Variants in RANBP2 observed in about 807,000 individuals in gnomAD.
RANBP2 encodes RAN binding protein 2, also known as E3 SUMO-protein ligase RanBP2.
In RANBP2, 57 loss-of-function variants were observed where a neutral mutation model predicts 303.6. The observed-to-expected ratio is 0.19, with a 90% confidence interval of 0.15 to 0.23. RANBP2 has a LOEUF of 0.23. Among genes scored for constraint, RANBP2 ranks in the 10% least tolerant of loss-of-function variants. RANBP2 has a pLI of 1.00. For missense variants in RANBP2, 3,138 were observed against 3,780.8 expected, an observed-to-expected ratio of 0.83 and a Z score of 4.46; for synonymous variants, 1,167 against 1,301.5, an observed-to-expected ratio of 0.90 and a Z score of 2.23.
chr2:109,055,547 C>CTT, the RANBP2 span, among the ~76,000 whole-genome samples: 5 of 151,376 alleles, frequency 3.3e-5, no homozygotes, highest in South Asian at 2.1e-4. Context: ...CTTTTCTTTT[C>CTT]TTTTCTTTTT....
At chr2:109,198,299 AT>A in the RANBP2 span, among the ~76,000 whole-genome samples, 1 of 152,182 alleles carries the variant, frequency 6.6e-6, no homozygotes, top group East Asian at 1.9e-4. Flanking sequence ...AATGACAGGA[AT>A]TTATGACCCT....
At position 108,776,043 on chromosome 2, in the gene RANBP2, G is replaced by C. The variant is rs192542409; in HGVS notation, c.8497+107G>C. 273 of 957,392 alleles carry C rather than the reference G, an allele frequency of 2.9e-4. 2 individuals are homozygous for C. In the African/African-American group the frequency reaches 4.2e-3, roughly 15 times the overall value. The allele number at this position is 957,392 out of a possible 1,614,324, so 59.3% of individuals were successfully genotyped here. Reference sequence around the variant, plus strand: ...GAAAACTCCCTTTAAAACACATTTTGATATGTATAAAGGGGCATCTTAGTA... The same window carrying C: ...GAAAACTCCCTTTAAAACACATTTTCATATGTATAAAGGGGCATCTTAGTA... On this transcript the variant is annotated intron_variant, in intron 24 of 28. Transcript: ENST00000283195.
the RANBP2 span, among the ~76,000 whole-genome samples, chr2:108,963,382 A>G: frequency 3.3e-5 from 5 of 152,228 alleles, no homozygotes; most frequent in Admixed American, 3.3e-4. Context: ...GACGTTCTAA[A>G]ATTCAAGAAG....
chr2:109,582,184 A>C, the RANBP2 span, among the ~76,000 whole-genome samples: 1 of 152,152 alleles, frequency 6.6e-6, no homozygotes, highest in East Asian at 1.9e-4. Context: ...GAGAACTACA[A>C]AACACTGCTG....
the RANBP2 span, among the ~76,000 whole-genome samples, chr2:109,191,882 C>T: frequency 6.6e-6 from 1 of 152,040 alleles, no homozygotes; most frequent in East Asian, 1.9e-4. Flanking sequence ...TTTTTGAAAC[C>T]TTTACTATTA....
At chr2:108,763,133 C>G in intron 19 of RANBP2, 104 bp from the exon 20 acceptor site, 2 of 1,284,766 alleles carry the variant, frequency 1.6e-6, no homozygotes, top group African/African-American at 2.9e-5. Context: ...ATGAGATCTT[C>G]TTCACTTCAT....
the RANBP2 span, among the ~76,000 whole-genome samples, chr2:108,957,203 C>A: frequency 2.0e-5 from 3 of 152,228 alleles, no homozygotes; most frequent in East Asian, 5.8e-4. Context: ...CCAGTTCCAG[C>A]CCTCACACTG....
chr2:109,365,369 G>A, the RANBP2 span, among the ~76,000 whole-genome samples: 504 of 152,292 alleles, frequency 3.3e-3, 3 homozygotes, highest in African/African-American at 0.011. Context: ...CCTCCTAGCC[G>A]AGCACTGCTT....
At chr2:109,420,332 A>G in the RANBP2 span, among the ~76,000 whole-genome samples, 7,230 of 152,288 alleles carry the variant, frequency 0.047, 484 homozygotes, top group African/African-American at 0.15. Context: ...TTGGCAAACA[A>G]GATGACATAA....
chr2:109,482,032 T>C, the RANBP2 span, among the ~76,000 whole-genome samples: 1,624 of 152,320 alleles, frequency 0.011, 33 homozygotes, highest in African/African-American at 0.037. Flanking sequence ...GTACTGGGGT[T>C]ATGTGCATTG....
chr2:108,862,754 A>G, the RANBP2 span, among the ~76,000 whole-genome samples: 2 of 152,314 alleles, frequency 1.3e-5, no homozygotes, highest in South Asian at 2.1e-4. Flanking sequence ...ACTATTTTGT[A>G]TCTTTTTTCC....
At chr2:108,749,166 T>C (rs1675647264) in intron 9 of RANBP2, 37 bp downstream of exon 9, 2 of 1,611,724 alleles carry the variant, frequency 1.2e-6, no homozygotes, top group East Asian at 2.2e-5. Context: ...GTCTCCGTCT[T>C]AATTCTTATA....
At chr2:108,906,367 A>G in the RANBP2 span, 10 of 1,614,012 alleles carry the variant, frequency 6.2e-6, no homozygotes, top group Admixed American at 3.3e-5. Flanking sequence ...CCGGCTTTGA[A>G]TCTGTGAAAA....
the RANBP2 span, among the ~76,000 whole-genome samples, chr2:109,287,349 T>C: frequency 6.6e-6 from 1 of 152,132 alleles, no homozygotes; most frequent in South Asian, 2.1e-4. Context: ...CATAAGAAAG[T>C]ACATCTTGAC....
chr2:109,594,439 A>G, the RANBP2 span, among the ~76,000 whole-genome samples: 5 of 151,870 alleles, frequency 3.3e-5, no homozygotes, highest in African/African-American at 7.3e-5. Flanking sequence ...GTTTATATAA[A>G]TGGTAGCTGT....
At chr2:109,055,100 T>A in the RANBP2 span, among the ~76,000 whole-genome samples, 1 of 152,236 alleles carries the variant, frequency 6.6e-6, no homozygotes, top group African/African-American at 2.4e-5. Flanking sequence ...TGTGTAGGCA[T>A]GTGGTAGCAT....
In RANBP2 at chr2:108,762,085, C is replaced by G. The variant is rs775613285; in HGVS notation, c.2603-16C>G. On this transcript the variant is annotated splice_polypyrimidine_tract_variant and intron_variant, in intron 18 of 28. Coordinates refer to ENST00000283195, the MANE Select transcript of RANBP2 (RefSeq NM_006267.5). The stretch of plus-strand genomic sequence containing the variant: ...ACTTTAACAGTGTTTTCTTTATTTT[C>G]TTTTTGTTTTTTTAGTTGCAACTAC... 1.3e-6 allele frequency: 2 copies of G among 1,596,404 alleles called. No individual in the cohort carries two copies. Among genetic ancestry groups the G allele is most frequent in the African/African-American group, 2.7e-5 (2 of 74,732 alleles).
the RANBP2 span, among the ~76,000 whole-genome samples, chr2:108,958,277 C>T: frequency 9.2e-5 from 14 of 152,306 alleles, no homozygotes; most frequent in East Asian, 2.3e-3. Context: ...TGAGACTCGC[C>T]TGTTTTCAAA....
the RANBP2 span, among the ~76,000 whole-genome samples, chr2:109,016,888 C>T: frequency 1.3e-5 from 2 of 152,124 alleles, no homozygotes; most frequent in Non-Finnish European, 2.9e-5. Flanking sequence ...TATGGAGGGA[C>T]GCAGGAGGGG....
Sources: gnomAD v4.1 joint callset for allele counts (sites outside exome capture counted in the v4.1 genomes callset) on GRCh38, gnomAD v4.1.1 for gene constraint, MANE v1.5 for transcripts, NCBI Gene and HGNC (gene_info 2026-07-23, HGNC 2026-07-21) for gene names.